Variants in USP6NL observed in about 807,000 individuals in gnomAD.
USP6NL encodes the protein USP6 N-terminal like.
Under a neutral mutation model 61.9 loss-of-function variants are expected in USP6NL, and 26 were observed. The ratio of observed to expected loss-of-function variants is 0.42; its 90% CI spans 0.31 to 0.58. The LOEUF is 0.58. USP6NL is among the 20% of genes least tolerant of loss of function. USP6NL has a pLI of 0.16. For synonymous variants in USP6NL, 432 were observed against 390.1 expected, an observed-to-expected ratio of 1.11 and a Z score of -1.27; for missense variants, 1,114 against 1,034.3, an observed-to-expected ratio of 1.08 and a Z score of -1.06.
chr10:11,573,449 T>C (rs1325355556), intron 2 of USP6NL: 2 of 390,924 alleles, frequency 5.1e-6, no homozygotes, highest in Non-Finnish European at 9.0e-6. Context: ...TTAACAATTA[T>C]GCCATTACCT....
chr10:11,521,362 A>G (rs997893995), intron 4 of USP6NL, among the ~76,000 whole-genome samples: 1 of 146,574 alleles, frequency 6.8e-6, no homozygotes, highest in Non-Finnish European at 1.5e-5. Context: ...TTATATACAT[A>G]TATATTATTT....
At chr10:11,610,209 C>G (rs1240596560) in intron 1 of USP6NL, among the ~76,000 whole-genome samples, 1 of 151,986 alleles carries the variant, frequency 6.6e-6, no homozygotes, top group Non-Finnish European at 1.5e-5. Flanking sequence ...TAATTGTCTA[C>G]GTAGAATACA....
intron 1 of USP6NL, among the ~76,000 whole-genome samples, chr10:11,605,774 G>A (rs1000189705): frequency 1.3e-5 from 2 of 152,114 alleles, no homozygotes; most frequent in Admixed American, 1.3e-4. Context: ...GATTAGAAAT[G>A]AAGACTAACT....
Position 11,461,456 on chromosome 10 carries a change from C to G in USP6NL, c.*985G>C, listed in dbSNP as rs1310453658. 1 of 152,156 alleles carries G rather than the reference C, an allele frequency of 6.6e-6. No homozygotes were observed. The highest frequency in any genetic ancestry group is 2.4e-5 in the African/African-American group (1 of 41,414). 9.4% of individuals were successfully genotyped at this position (152,156 alleles called of 1,614,324 possible). The stretch of plus-strand genomic sequence containing the variant: ...GGACAGAAATGGATTGTATAAATGG[C>G]CACCCTGGGACCTTCGTGGGGAGAA... On this transcript the variant is annotated 3_prime_UTR_variant, in exon 15 of 15. Transcript: ENST00000609104.
intron 7 of USP6NL, 60 bp from the exon 8 acceptor site, chr10:11,493,288 A>G (rs929381783): frequency 1.4e-6 from 2 of 1,385,090 alleles, no homozygotes; most frequent in East Asian, 5.0e-5. Flanking sequence ...TGAAAACTCT[A>G]TGACAAATAA....
chr10:11,584,976 T>G (rs1837914891), intron 2 of USP6NL, among the ~76,000 whole-genome samples: 1 of 151,734 alleles, frequency 6.6e-6, no homozygotes, highest in Admixed American at 6.6e-5. Context: ...CATATGAAAC[T>G]CCAATAAATA....
intron 14 of USP6NL, among the ~76,000 whole-genome samples, chr10:11,471,169 T>G (rs1832727261): frequency 6.6e-6 from 1 of 151,378 alleles, no homozygotes; most frequent in Non-Finnish European, 1.5e-5. Flanking sequence ...GGCGACAGAG[T>G]GAGACTCTTG....
chr10:11,580,239 T>G (rs1837706443), intron 2 of USP6NL, among the ~76,000 whole-genome samples: 2 of 152,144 alleles, frequency 1.3e-5, no homozygotes. Flanking sequence ...TAATAAAGAT[T>G]TGGGTATATC....
chr10:11,606,857 C>A (rs1366363682), intron 1 of USP6NL, among the ~76,000 whole-genome samples: 1 of 146,432 alleles, frequency 6.8e-6, no homozygotes, highest in Non-Finnish European at 1.5e-5. Flanking sequence ...GTGGTGTGAT[C>A]TCGGCTCAGT....
In USP6NL at chr10:11,482,605, A is replaced by G. The variant is rs751675072; in HGVS notation, c.926-683T>C. Among the ~76,000 whole-genome samples the G allele has an allele frequency of 1.3e-5, 2 of 152,168 alleles. No homozygotes were observed. The highest frequency in any genetic ancestry group is 2.4e-5 in the African/African-American group (1 of 41,442). ...CTTTTTGCTTTTTTCCCCATTCACT[A>G]ATGTATCACTGATATCTCTCATTTC... On this transcript the variant is annotated intron_variant, in intron 13 of 14. Transcript: ENST00000609104. The surrounding 1 kb of genome is among the most constrained non-coding windows in gnomAD (Gnocchi z 4.0).
At position 11,499,174 on chromosome 10, in the gene USP6NL, GGAGA is replaced by G. The variant is rs986476461; in HGVS notation, c.384+1923_384+1926del. 5.3e-5 allele frequency among the ~76,000 whole-genome samples: 8 copies of G among 152,042 alleles called. No individual in the cohort carries two copies. The highest frequency in any genetic ancestry group is 5.2e-4 in the Admixed American group (8 of 15,272). On this transcript the variant is annotated intron_variant, in intron 7 of 14. Coordinates refer to ENST00000609104, the MANE Select transcript of USP6NL (RefSeq NM_014688.5). The surrounding 1 kb of genome is among the most constrained non-coding windows in gnomAD (Gnocchi z 4.5). ...AAGTTCCAGTTCGTGGAGGATGTGT[GGAGA>G]GAGAGAGAAAGAGTGGATGAGAAAG...
At position 11,463,161 on chromosome 10, in the gene USP6NL, GTGC is replaced by G; in HGVS notation, c.1764_1766del (p.Lys588_His589delinsAsn). The G allele has an allele frequency of 1.2e-6, 2 of 1,613,884 alleles. No homozygotes were observed. The highest frequency in any genetic ancestry group is 1.7e-6 in the Non-Finnish European group (2 of 1,179,892). ...TTGATGGACTAGAACTTGGCTCAGC[GTGC>G]TTTCTCGGGCTAGGAGGGTAAAGGG... On this transcript the variant is annotated inframe_deletion, in exon 15 of 15. Transcript: ENST00000609104. The surrounding 1 kb of genome is among the most constrained non-coding windows in gnomAD (Gnocchi z 6.3).
intron 2 of USP6NL, chr10:11,564,285 A>T (rs1837043524): frequency 6.6e-6 from 1 of 152,232 alleles, no homozygotes; most frequent in African/African-American, 2.4e-5. Context: ...TAGTGCTATA[A>T]ACATTTAATT....
At chr10:11,523,404 T>A (rs1051314845) in intron 4 of USP6NL, among the ~76,000 whole-genome samples, 4 of 152,232 alleles carry the variant, frequency 2.6e-5, no homozygotes, top group Non-Finnish European at 1.5e-5. Context: ...CTGGCACCTA[T>A]ATTCATTATT....
At chr10:11,544,691 G>A (rs756332522) in intron 2 of USP6NL, among the ~76,000 whole-genome samples, 8 of 151,868 alleles carry the variant, frequency 5.3e-5, no homozygotes, top group African/African-American at 7.3e-5. Context: ...GTTTTGCCCC[G>A]TTGGGCAGGC....
chr10:11,525,458 C>G lies in USP6NL; in HGVS notation c.83G>C (p.Gly28Ala). The change falls in exon 4 of 15, where the codon GGT becomes GCT. Residue 28 changes from glycine to alanine, a missense_variant. Physicochemically the swap from Gly to Ala is moderately conservative, Grantham distance 60. Coordinates refer to ENST00000609104, the MANE Select transcript of USP6NL (RefSeq NM_014688.5). This position sits in a 1 kb window ranked among gnomAD's most constrained non-coding sequence, Gnocchi z 5.0. ...ATCTTCCCAAGGTTCAATCTCTGCA[C>G]CTTCTCGTCCCTAAAATAAGGCACA... ...IVAKYDRGRE[G>A]AEIEPWEDAD... 6.3e-7 allele frequency: 1 copy of G among 1,584,376 alleles called. No homozygotes were observed. The highest frequency in any genetic ancestry group is 1.9e-5 in the Admixed American group (1 of 51,426).
chr10:11,462,915 A>T lies in USP6NL; in HGVS notation c.2013T>A (p.His671Gln). 1 of 1,613,548 alleles carries T rather than the reference A, an allele frequency of 6.2e-7. No homozygotes were observed. Among genetic ancestry groups the T allele is most frequent in the Non-Finnish European group, 8.5e-7 (1 of 1,179,674 alleles). ...GTQLNPSRRP[H>Q]GSTLSVSASP... ...AAGCACTGACGGAAAGAGTAGAACC[A>T]TGAGGTCTCCTGGAAGGATTCAGTT... The change falls in exon 15 of 15, where the codon CAT becomes CAA. Residue 671 changes from histidine to glutamine, a missense_variant. His to Gln is a conservative substitution (Grantham distance 24). Coordinates refer to ENST00000609104, the MANE Select transcript of USP6NL (RefSeq NM_014688.5).
chr10:11,576,221 A>G (rs1434372454), intron 2 of USP6NL, among the ~76,000 whole-genome samples: 1 of 152,236 alleles, frequency 6.6e-6, no homozygotes, highest in Non-Finnish European at 1.5e-5. Flanking sequence ...CCTAAGTCAG[A>G]AATTATTTCA....
chr10:11,531,155 TAA>T (rs1835641185), intron 2 of USP6NL, among the ~76,000 whole-genome samples: 1 of 152,124 alleles, frequency 6.6e-6, no homozygotes, highest in Non-Finnish European at 1.5e-5. Context: ...AATCCATAAA[TAA>T]AAGTTTATTT....
Sources: gnomAD v4.1 joint callset for allele counts (sites outside exome capture counted in the v4.1 genomes callset) on GRCh38, gnomAD v4.1.1 for gene constraint, Gnocchi (gnomAD v3.1) non-coding constraint, MANE v1.5 for transcripts, NCBI Gene and HGNC (gene_info 2026-07-23, HGNC 2026-07-21) for gene names.